Variants in ALPG observed in about 807,000 individuals in gnomAD.
The protein encoded by ALPG is alkaline phosphatase, germ cell type.
Under a neutral mutation model 48.6 loss-of-function variants are expected in ALPG, and 32 were observed. The ratio of observed to expected loss-of-function variants is 0.66; its 90% CI spans 0.50 to 0.88. The LOEUF (loss-of-function observed/expected upper bound fraction) is 0.88, where lower values mean the gene tolerates loss of function less well. ALPG is among the 40% of genes least tolerant of loss of function. The pLI is 0.00. For missense variants in ALPG, 533 were observed against 718.1 expected (o/e 0.74, Z 2.95); for synonymous variants, 244 against 308.9 (o/e 0.79, Z 2.20).
chr2:232,407,802 G>A, intron 4 of ALPG, 34 bp downstream of exon 4: 2 of 1,613,746 alleles, frequency 1.2e-6, no homozygotes, highest in Non-Finnish European at 1.7e-6. Flanking sequence ...TCAGGGCCAG[G>A]TGACAGACCT....
chr2:232,409,675 G>T lies in ALPG; in HGVS notation c.1402G>T (p.Val468Phe). 6.2e-7 allele frequency: 1 copy of T among 1,611,614 alleles called. No individual in the cohort carries two copies. ...VFARGPQAHL[V>F]HGVQEQTFIA... ...CGCGCGCGGCCCGCAGGCGCACCTG[G>T]TTCACGGCGTGCAGGAGCAGACCTT... is the stretch of plus-strand genomic sequence containing the variant. Residue 468 changes from valine (V) to phenylalanine (F), a missense_variant, in exon 11 of 11, where the codon GTT (valine) becomes TTT (phenylalanine). Around this residue, in one of 6 missense-constraint regions of ALPG, gnomAD observed 145 missense variants for 174.3 expected, o/e 0.83. Coordinates refer to ENST00000295453, the MANE Select transcript of ALPG (RefSeq NM_031313.3).
rs754266714 is a variant in ALPG at position 232,407,958 on chromosome 2, G to T, written c.589G>T (p.Ala197Ser). The T allele has an allele frequency of 1.2e-6, 2 of 1,613,222 alleles. No homozygotes were observed. The highest frequency in any genetic ancestry group is 2.2e-5 in the South Asian group (2 of 90,942). Residue 197 changes from alanine (A) to serine (S), a missense_variant, in exon 5 of 11, where the codon GCC becomes TCC. Ala to Ser is a moderately conservative substitution (Grantham distance 99, BLOSUM62 1). Coordinates refer to ENST00000295453, the MANE Select transcript of ALPG (RefSeq NM_031313.3). ...WYSDADVPAS[A>S]RQEGCQDIAT... is the part of the protein sequence containing the mutation. ...CTCGGATGCCGACGTGCCTGCCTCG[G>T]CCCGCCAGGAGGGGTGCCAGGACAT...
At chr2:232,407,024 G>A (rs763594184) in intron 1 of ALPG, 33 bp from the exon 2 acceptor site, 2 of 1,613,502 alleles carry the variant, frequency 1.2e-6, no homozygotes, top group East Asian at 2.2e-5. Flanking sequence ...CCCCAGCCCA[G>A]GCTGACCTGA....
In ALPG at chr2:232,410,070, G is replaced by T; in HGVS notation, c.*198G>T. On this transcript the variant is annotated 3_prime_UTR_variant, in exon 11 of 11. Transcript: ENST00000295453. ...ACGCCCTTTGCTTTATCTTGCTCTT[G>T]AAATTTTGGCCCCAACTCCAGGGAC... 2.2e-6 allele frequency: 2 copies of T among 907,696 alleles called. No homozygotes were observed. The highest frequency in any genetic ancestry group is 3.2e-6 in the Non-Finnish European group (2 of 623,582). The allele number at this position is 907,696 out of a possible 1,614,324, so 56.2% of individuals were successfully genotyped here.
In ALPG at chr2:232,410,581, C is replaced by T. The variant is rs1457002914; in HGVS notation, c.*709C>T. The T allele has an allele frequency of 6.6e-6, 1 of 152,414 alleles. No homozygotes were observed. Among genetic ancestry groups the T allele is most frequent in the African/African-American group, 2.4e-5 (1 of 41,478 alleles). 9.4% of individuals were successfully genotyped at this position (152,414 alleles called of 1,614,324 possible). A position where few individuals can be genotyped will look rare whatever the true frequency, so the allele number is the denominator to read the frequency against. On this transcript the variant is annotated 3_prime_UTR_variant, in exon 11 of 11. Coordinates refer to ENST00000295453, the MANE Select transcript of ALPG (RefSeq NM_031313.3). ...GGGTGCAGGATAGCAGTCCAGAGTC[C>T]ATGGCCCCGCCTAGGCCATCTGGGT...
Position 232,408,032 on chromosome 2 carries a change from C to A in ALPG, c.648+15C>A, listed in dbSNP as rs766512279. ...TGGACATTGATGTGCGACCCCCGGG[C>A]CAAGGGCTGGGGCTGGGCAGAGAGT... On this transcript the variant is annotated intron_variant, in intron 5 of 10. Transcript: ENST00000295453. 6.2e-7 allele frequency: 1 copy of A among 1,602,512 alleles called. No individual in the cohort carries two copies. Among genetic ancestry groups the A allele is most frequent in the South Asian group, 1.1e-5 (1 of 88,334 alleles).
In ALPG at chr2:232,409,457, C is replaced by T. The variant is rs747777494; in HGVS notation, c.1300+9C>T. 12 of 1,519,194 alleles carry T rather than the reference C, an allele frequency of 7.9e-6. No individual in the cohort carries two copies. The highest frequency in any genetic ancestry group is 1.1e-5 in the Non-Finnish European group (12 of 1,105,594). The allele number at this position is 1,519,194 out of a possible 1,614,324, so 94.1% of individuals were successfully genotyped here. Reference sequence around the variant, plus strand: ...TACGGAGAGCGAGAGCGGTGAGTGCCGTGGGGTGGCCCCCTGAGGGGGACC... The same window carrying T: ...TACGGAGAGCGAGAGCGGTGAGTGCTGTGGGGTGGCCCCCTGAGGGGGACC... On this transcript the variant is annotated intron_variant, in intron 10 of 10. Transcript: ENST00000295453.
At chr2:232,407,820 A>G (rs1197749245) in intron 4 of ALPG, 25 bp from the exon 5 acceptor site, 1 of 1,613,394 alleles carries the variant, frequency 6.2e-7, no homozygotes, top group Non-Finnish European at 8.5e-7. Flanking sequence ...CCTCTATCGC[A>G]TATCCTGACC....
In ALPG at chr2:232,410,127, T is replaced by A; in HGVS notation, c.*255T>A. 3.3e-6 allele frequency: 2 copies of A among 612,684 alleles called. No homozygotes were observed. The highest frequency in any genetic ancestry group is 2.8e-6 in the Non-Finnish European group (1 of 358,372). 38.0% of individuals were successfully genotyped at this position (612,684 alleles called of 1,614,324 possible). A position where few individuals can be genotyped will look rare whatever the true frequency, so the allele number is the denominator to read the frequency against. On this transcript the variant is annotated 3_prime_UTR_variant, in exon 11 of 11. Transcript: ENST00000295453. Reference sequence around the variant, plus strand: ...TTTGTGCCTGGCAGCTGCCTGCATTTCAGGAAAAGAGGAGGCTCAGACCAT... The same window carrying A: ...TTTGTGCCTGGCAGCTGCCTGCATTACAGGAAAAGAGGAGGCTCAGACCAT...
In ALPG at chr2:232,409,907, C is replaced by T. The variant is rs755009744; in HGVS notation, c.*35C>T. 6.6e-7 allele frequency: 1 copy of T among 1,511,114 alleles called. No homozygotes were observed. Among genetic ancestry groups the T allele is most frequent in the Non-Finnish European group, 8.8e-7 (1 of 1,135,888 alleles). The allele number at this position is 1,511,114 out of a possible 1,614,324, so 93.6% of individuals were successfully genotyped here. Reference sequence around the variant, plus strand: ...CCCTGGGGCTCCTGCTTCCCCATCCCGGAGTTCCCCTGCTCCCCACCTCCA... The same window carrying T: ...CCCTGGGGCTCCTGCTTCCCCATCCTGGAGTTCCCCTGCTCCCCACCTCCA... On this transcript the variant is annotated 3_prime_UTR_variant, in exon 11 of 11. Transcript: ENST00000295453.
At position 232,410,331 on chromosome 2, in the gene ALPG, A is replaced by C; in HGVS notation, c.*459A>C. ...AAGCGTGGCTTCCTGCCACCCTGCAACCCACCCTCCCAGCCAAGGAGGCTG... is the reference window on the plus strand; with the variant it reads ...AAGCGTGGCTTCCTGCCACCCTGCACCCCACCCTCCCAGCCAAGGAGGCTG... On this transcript the variant is annotated 3_prime_UTR_variant, in exon 11 of 11. Coordinates refer to ENST00000295453, the MANE Select transcript of ALPG (RefSeq NM_031313.3). The C allele has an allele frequency of 5.3e-6, 1 of 189,758 alleles. No individual in the cohort carries two copies. The highest frequency in any genetic ancestry group is 1.1e-5 in the Non-Finnish European group (1 of 92,906). The allele number at this position is 189,758 out of a possible 1,614,324, so 11.8% of individuals were successfully genotyped here.
chr2:232,407,223 C>G, intron 2 of ALPG, 50 bp downstream of exon 2: 1 of 1,613,872 alleles, frequency 6.2e-7, no homozygotes. Flanking sequence ...CCCCGGCGCC[C>G]GGACCCTCAG....
rs543783627 is a variant in ALPG, at chr2:232,406,925, G to T, written c.31G>T (p.Gly11Cys). 5.6e-6 allele frequency: 9 copies of T among 1,612,598 alleles called. No homozygotes were observed. In the African/African-American group the frequency reaches 8.0e-5, roughly 14 times the overall value. The change falls in exon 1 of 11, where the codon GGC (glycine) becomes TGC (cysteine). Residue 11 changes from glycine to cysteine, a missense_variant. Coordinates refer to ENST00000295453, the MANE Select transcript of ALPG (RefSeq NM_031313.3). ...GGGGCCCTGGGTGCTGCTCCTGCTG[G>T]GCCTGAGGCTACAGCTCTCCCTGGG... MQGPWVLLLLGLRLQLSLGII... is the reference protein window; with the variant it reads MQGPWVLLLLCLRLQLSLGII...
At position 232,406,973 on chromosome 2, in the gene ALPG, C is replaced by T. The variant is rs376440653; in HGVS notation, c.67+12C>T. 3.1e-6 allele frequency: 5 copies of T among 1,602,870 alleles called. No individual in the cohort carries two copies. Among genetic ancestry groups the T allele is most frequent in the Admixed American group, 3.4e-5 (2 of 58,940 alleles). ...GGGCATCATCCCAGGTAATGAGGCT[C>T]CCCCAGCTGCCCCTACACACACACA... is the stretch of plus-strand genomic sequence containing the variant. On this transcript the variant is annotated intron_variant, in intron 1 of 10. Coordinates refer to ENST00000295453, the MANE Select transcript of ALPG (RefSeq NM_031313.3).
chr2:232,408,222 G>A, intron 5 of ALPG, 45 bp from the exon 6 acceptor site: 3 of 1,609,224 alleles, frequency 1.9e-6, no homozygotes, highest in South Asian at 1.1e-5. Context: ...GGGACACGGG[G>A]CCAGCCAGGC....
chr2:232,409,797 G>A lies in ALPG; in HGVS notation c.1524G>A (p.Gly508=). 2 of 1,596,036 alleles carry A rather than the reference G, an allele frequency of 1.3e-6. No homozygotes were observed. Among genetic ancestry groups the A allele is most frequent in the Middle Eastern group, 2.0e-4 (1 of 4,880 alleles). ...RAGTTDAAHP[G]PSVVPALLPL... ...GCACCACCGACGCCGCGCACCCGGG[G>A]CCGTCCGTGGTCCCCGCGTTGCTTC... The change falls in exon 11 of 11, where the codon GGG becomes GGA. Residue 508 remains glycine, a synonymous_variant. Transcript: ENST00000295453.
chr2:232,406,985 C>A, intron 1 of ALPG, 24 bp downstream of exon 1: 1 of 1,579,768 alleles, frequency 6.3e-7, no homozygotes, highest in South Asian at 1.1e-5. Context: ...CCCAGCTGCC[C>A]CTACACACAC....
intron 2 of ALPG, 32 bp downstream of exon 2, chr2:232,407,205 C>A: frequency 1.2e-6 from 2 of 1,613,948 alleles, no homozygotes; most frequent in Non-Finnish European, 1.7e-6. Flanking sequence ...GCCCCGCAGC[C>A]CTCACAGCCC....
chr2:232,409,609 CT>C lies in ALPG; in HGVS notation c.1337del (p.Leu446ArgfsTer32). On this transcript the variant is annotated frameshift_variant, in exon 11 of 11. Coordinates refer to ENST00000295453, the MANE Select transcript of ALPG (RefSeq NM_031313.3). LOFTEE classifies it low-confidence loss of function (END_TRUNC). ...GTATCGGCAGCAGTCAGCAGTGCCC[CT>C]GGACGGAGAGACCCACGCAGGCGAG... ...PEYRQQSAVPLDGETHAGEDV... is the reference protein window; with the variant it reads ...PEYRQQSAVPXDGETHAGEDV... The C allele has an allele frequency of 1.2e-6, 2 of 1,612,810 alleles. No individual in the cohort carries two copies. The highest frequency in any genetic ancestry group is 2.2e-5 in the East Asian group (1 of 44,864).
Sources: allele counts gnomAD v4.1 joint callset, GRCh38; gene constraint gnomAD v4.1.1; regional missense constraint gnomAD v4.1.1; transcripts MANE v1.5; gene names NCBI Gene and HGNC (gene_info 2026-07-23, HGNC 2026-07-21).